TMPRSS12: variants seen among roughly 807,000 people sequenced by gnomAD.
TMPRSS12 encodes transmembrane protease serine 12.
In TMPRSS12, 25 loss-of-function variants were observed where a neutral mutation model predicts 26.0. The observed-to-expected ratio is 0.96, with a 90% CI of 0.70 to 1.34. TMPRSS12 has a LOEUF of 1.34. TMPRSS12 is among the 40% of genes most tolerant of loss of function. The pLI is 0.00. For synonymous variants in TMPRSS12, 150 were observed against 161.7 expected, an observed-to-expected ratio of 0.93 and a Z score of 0.55; for missense variants, 441 against 440.1, an observed-to-expected ratio of 1.00 and a Z score of -0.02.
intron 3 of TMPRSS12, among the ~76,000 whole-genome samples, chr12:50,883,091 G>T (rs7953462): frequency 0.043 from 6,616 of 152,254 alleles, 496 homozygotes; most frequent in African/African-American, 0.15. Flanking sequence ...CACTCTGGGA[G>T]GCCAAATTAG....
At chr12:50,872,461 C>T (rs1468080432) in intron 3 of TMPRSS12, among the ~76,000 whole-genome samples, 3 of 128,670 alleles carry the variant, frequency 2.3e-5, no homozygotes, top group Non-Finnish European at 3.1e-5. Flanking sequence ...TGCAGTGAGC[C>T]GAGATTGCGC....
Position 50,858,774 on chromosome 12 carries a change from C to A in TMPRSS12, c.384-11C>A. Reference sequence around the variant, plus strand: ...AAGATATTTATAATAAGAATGTTTACTTTCTTTCAGCGATCCTTTAATGTG... The same window carrying A: ...AAGATATTTATAATAAGAATGTTTAATTTCTTTCAGCGATCCTTTAATGTG... On this transcript the variant is annotated splice_polypyrimidine_tract_variant and intron_variant, in intron 2 of 4. Coordinates refer to ENST00000398458, the MANE Select transcript of TMPRSS12 (RefSeq NM_182559.3). The A allele has an allele frequency of 6.6e-7, 1 of 1,509,552 alleles. No individual in the cohort carries two copies. Among genetic ancestry groups the A allele is most frequent in the Non-Finnish European group, 8.8e-7 (1 of 1,133,966 alleles). 93.5% of individuals were successfully genotyped at this position (1,509,552 alleles called of 1,614,324 possible).
intron 2 of TMPRSS12, among the ~76,000 whole-genome samples, chr12:50,849,615 T>C (rs967242166): frequency 2.0e-5 from 3 of 152,098 alleles, no homozygotes; most frequent in Non-Finnish European, 4.4e-5. Flanking sequence ...CAGGATGTGA[T>C]ATAAAGAGAG....
chr12:50,885,807 C>A, intron 4 of TMPRSS12: 2 of 336,958 alleles, frequency 5.9e-6, no homozygotes, highest in Non-Finnish European at 1.1e-5. Flanking sequence ...AGGCACACAT[C>A]ACTATGCCCG....
intron 3 of TMPRSS12, among the ~76,000 whole-genome samples, chr12:50,880,345 G>A (rs1017805347): frequency 4.6e-5 from 7 of 152,140 alleles, no homozygotes; most frequent in Admixed American, 6.6e-5. Context: ...AGCTATGATC[G>A]CTGTACTACA....
intron 3 of TMPRSS12, among the ~76,000 whole-genome samples, chr12:50,860,442 G>A (rs1276608692): frequency 1.3e-5 from 2 of 152,032 alleles, no homozygotes; most frequent in South Asian, 2.1e-4. Context: ...AGAGATGGGG[G>A]TCTCACTCTG....
At chr12:50,871,018 T>C (rs368467048) in intron 3 of TMPRSS12, among the ~76,000 whole-genome samples, 1 of 152,084 alleles carries the variant, frequency 6.6e-6, no homozygotes, top group African/African-American at 2.4e-5. Context: ...ATGACCATAC[T>C]GTCAAAAGCA....
At chr12:50,866,944 A>T (rs2554854) in intron 3 of TMPRSS12, among the ~76,000 whole-genome samples, 98,509 of 151,994 alleles carry the variant, frequency 0.65, 32,234 homozygotes, top group Non-Finnish European at 0.7. Context: ...AGAGTACTAC[A>T]TCAAAGGAAC....
intron 2 of TMPRSS12, among the ~76,000 whole-genome samples, chr12:50,856,234 G>A (rs1937876011): frequency 6.6e-6 from 1 of 152,042 alleles, no homozygotes; most frequent in South Asian, 2.1e-4. Flanking sequence ...AAAAGTGTTT[G>A]GCACCTCCCC....
chr12:50,856,384 A>G lies in TMPRSS12; in HGVS notation c.384-2401A>G, dbSNP rs371815277. On this transcript the variant is annotated intron_variant, in intron 2 of 4. Coordinates refer to ENST00000398458, the MANE Select transcript of TMPRSS12 (RefSeq NM_182559.3). ...TGTGCAGCCTGCAGAACTGTGAGCC[A>G]ATTAAATCTCTTTTCTTTATAAATT... 1.4e-3 allele frequency among the ~76,000 whole-genome samples: 220 copies of G among 152,274 alleles called. 8 individuals carry two copies. In the South Asian group the frequency reaches 0.033, roughly 23 times the overall value.
intron 3 of TMPRSS12, among the ~76,000 whole-genome samples, chr12:50,876,631 C>T (rs984345636): frequency 6.6e-6 from 1 of 151,818 alleles, no homozygotes; most frequent in Non-Finnish European, 1.5e-5. Context: ...GGCGAAACCC[C>T]GTCTCTACTA....
chr12:50,844,069 T>G, intron 2 of TMPRSS12, 32 bp downstream of exon 2: 1 of 1,471,942 alleles, frequency 6.8e-7, no homozygotes, highest in East Asian at 2.4e-5. Context: ...ATTTTTATGC[T>G]CTTAGGGGAT....
chr12:50,851,142 G>A (rs1592217196), intron 2 of TMPRSS12, among the ~76,000 whole-genome samples: 1 of 152,308 alleles, frequency 6.6e-6, no homozygotes, highest in South Asian at 2.1e-4. Flanking sequence ...AACCCAAAAA[G>A]CCAGAGTTTC....
At chr12:50,846,948 T>C (rs1937773891) in intron 2 of TMPRSS12, among the ~76,000 whole-genome samples, 1 of 151,934 alleles carries the variant, frequency 6.6e-6, no homozygotes, top group African/African-American at 2.4e-5. Context: ...TTATTTTAGC[T>C]ATTTGGAGTC....
intron 3 of TMPRSS12, 43 bp downstream of exon 3, chr12:50,859,096 A>G (rs1469216705): frequency 6.7e-7 from 1 of 1,498,894 alleles, no homozygotes; most frequent in Non-Finnish European, 8.9e-7. Context: ...TTTCCTGATT[A>G]TGGGCAGAGG....
intron 3 of TMPRSS12, among the ~76,000 whole-genome samples, chr12:50,880,880 T>G (rs1938156466): frequency 6.7e-6 from 1 of 150,034 alleles, no homozygotes; most frequent in South Asian, 2.1e-4. Flanking sequence ...TGAAGGAAGC[T>G]ATATACAAAA....
chr12:50,864,659 G>A (rs1937973337), intron 3 of TMPRSS12, among the ~76,000 whole-genome samples: 1 of 152,212 alleles, frequency 6.6e-6, no homozygotes, highest in South Asian at 2.1e-4. Flanking sequence ...CTATTGTTTT[G>A]TTTTGTTTTG....
chr12:50,882,475 A>G (rs1200927446), intron 3 of TMPRSS12, among the ~76,000 whole-genome samples: 3 of 151,874 alleles, frequency 2.0e-5, no homozygotes, highest in Admixed American at 1.3e-4. Flanking sequence ...AAAAGAGAAA[A>G]CCAACAAGCC....
chr12:50,863,236 A>G (rs1021330257), intron 3 of TMPRSS12, among the ~76,000 whole-genome samples: 5 of 152,172 alleles, frequency 3.3e-5, no homozygotes, highest in Non-Finnish European at 7.3e-5. Flanking sequence ...AATATCAGAT[A>G]AAGTAGACTT....
Sources: gnomAD v4.1 joint callset for allele counts (sites outside exome capture counted in the v4.1 genomes callset) on GRCh38, gnomAD v4.1.1 for gene constraint, MANE v1.5 for transcripts, NCBI Gene and HGNC (gene_info 2026-07-23, HGNC 2026-07-21) for gene names.